DLG2: variants seen among roughly 807,000 people sequenced by gnomAD.
The protein encoded by DLG2 is disks large homolog 2.
Under a neutral mutation model 132.5 loss-of-function variants are expected in DLG2, and 45 were observed. The ratio of observed to expected loss-of-function variants is 0.34; its 90% CI spans 0.27 to 0.44. The LOEUF (loss-of-function observed/expected upper bound fraction) is 0.44, where lower values mean the gene tolerates loss of function less well. Among genes scored for constraint, DLG2 ranks in the 20% least tolerant of loss-of-function variants. The probability of loss-of-function intolerance (pLI) is 1.00; values close to 1 mark genes in which losing one functional copy is unlikely to be tolerated. For synonymous variants in DLG2, 424 were observed against 419.6 expected, an observed-to-expected ratio of 1.01 and a Z score of -0.13; for missense variants, 1,045 against 1,196.9, an observed-to-expected ratio of 0.87 and a Z score of 1.87.
chr11:84,752,572 T>C (rs906319348), intron 6 of DLG2, among the ~76,000 whole-genome samples: 2 of 150,704 alleles, frequency 1.3e-5, no homozygotes, highest in African/African-American at 4.9e-5. Flanking sequence ...TTCTTTTTTT[T>C]TTTTTTTTAT....
intron 16 of DLG2, among the ~76,000 whole-genome samples, chr11:83,866,377 T>C (rs1006760284): frequency 6.6e-6 from 1 of 152,170 alleles, no homozygotes; most frequent in East Asian, 1.9e-4. Flanking sequence ...AATCTTGTCA[T>C]GGAATAATGG....
chr11:84,835,323 A>G (rs1599269206), intron 6 of DLG2, among the ~76,000 whole-genome samples: 1 of 151,800 alleles, frequency 6.6e-6, no homozygotes, highest in Non-Finnish European at 1.5e-5. Flanking sequence ...AGACAGACCT[A>G]CATTTTAATC....
chr11:85,256,158 C>A (rs548428872), intron 4 of DLG2, among the ~76,000 whole-genome samples: 12 of 152,132 alleles, frequency 7.9e-5, no homozygotes, highest in African/African-American at 2.9e-4. Context: ...TATCCTGTAC[C>A]CATATAAACC....
chr11:84,914,963 C>T (rs1411506814), intron 6 of DLG2, among the ~76,000 whole-genome samples: 1 of 152,068 alleles, frequency 6.6e-6, no homozygotes, highest in Non-Finnish European at 1.5e-5. Flanking sequence ...GGCTAAATCC[C>T]AAAGGCCAGG....
At chr11:84,041,039 T>C (rs1210786243) in intron 11 of DLG2, among the ~76,000 whole-genome samples, 2 of 151,758 alleles carry the variant, frequency 1.3e-5, no homozygotes, top group Non-Finnish European at 2.9e-5. Flanking sequence ...TGTTGGTGTA[T>C]AAGAATGCTT....
At chr11:83,874,562 GT>G in intron 15 of DLG2, 74 bp from the exon 16 acceptor site, 1 of 1,214,586 alleles carries the variant, frequency 8.2e-7, no homozygotes, top group African/African-American at 1.6e-5. Context: ...TATACTTTAA[GT>G]TTTAGGGTAC....
chr11:83,722,525 A>G (rs567002775), intron 18 of DLG2, among the ~76,000 whole-genome samples: 1 of 152,278 alleles, frequency 6.6e-6, no homozygotes, highest in Non-Finnish European at 1.5e-5. Flanking sequence ...AAATCTCTCC[A>G]GTCCAGCAAG....
At chr11:84,004,275 G>A (rs774286473) in intron 11 of DLG2, among the ~76,000 whole-genome samples, 60 of 152,098 alleles carry the variant, frequency 3.9e-4, no homozygotes, top group Non-Finnish European at 2.8e-4. Context: ...ATGCAAGAAT[G>A]GTTTTACATA....
chr11:84,363,500 A>T (rs1423842622), intron 7 of DLG2, among the ~76,000 whole-genome samples: 1 of 151,840 alleles, frequency 6.6e-6, no homozygotes, highest in Non-Finnish European at 1.5e-5. Flanking sequence ...GCTGTGCAGA[A>T]GCTCTTTAGT....
At chr11:83,731,625 T>C (rs2091026956) in intron 18 of DLG2, among the ~76,000 whole-genome samples, 1 of 152,232 alleles carries the variant, frequency 6.6e-6, no homozygotes, top group Non-Finnish European at 1.5e-5. Flanking sequence ...TGCAGTAGAA[T>C]GATTTATATT....
At chr11:83,927,662 G>T (rs1300976244) in intron 15 of DLG2, among the ~76,000 whole-genome samples, 1 of 152,092 alleles carries the variant, frequency 6.6e-6, no homozygotes, top group African/African-American at 2.4e-5. Flanking sequence ...ACTTCGCATT[G>T]CATCCTAATG....
chr11:84,691,284 T>A (rs1224422917), intron 6 of DLG2, among the ~76,000 whole-genome samples: 1 of 151,858 alleles, frequency 6.6e-6, no homozygotes, highest in Non-Finnish European at 1.5e-5. Flanking sequence ...GAGGTAGTGA[T>A]CTATACCTAA....
chr11:84,983,086 G>C (rs964770312), intron 6 of DLG2, among the ~76,000 whole-genome samples: 1 of 152,168 alleles, frequency 6.6e-6, no homozygotes, highest in Admixed American at 6.5e-5. Context: ...AACAAGGCTG[G>C]ACAGTAATGC....
intron 19 of DLG2, among the ~76,000 whole-genome samples, chr11:83,587,730 C>T (rs907940436): frequency 7.9e-5 from 12 of 152,220 alleles, no homozygotes; most frequent in Admixed American, 3.9e-4. Context: ...TCTGAGGTAC[C>T]GGGTTCATCT....
chr11:83,845,836 G>A (rs2058511277), intron 16 of DLG2, among the ~76,000 whole-genome samples: 1 of 147,074 alleles, frequency 6.8e-6, no homozygotes, highest in Non-Finnish European at 1.5e-5. Flanking sequence ...GTTTCTTGAG[G>A]TCTTGCTTTT....
intron 6 of DLG2, among the ~76,000 whole-genome samples, chr11:84,620,630 C>G (rs2099612212): frequency 6.6e-6 from 1 of 151,934 alleles, no homozygotes; most frequent in African/African-American, 2.4e-5. Flanking sequence ...TTTTTAAAAC[C>G]TCAATAGTAT....
chr11:84,303,294 T>C (rs2098177153), intron 7 of DLG2, among the ~76,000 whole-genome samples: 1 of 152,180 alleles, frequency 6.6e-6, no homozygotes, highest in African/African-American at 2.4e-5. Flanking sequence ...ATGAATGTCA[T>C]GGATAACTAA....
At chr11:84,874,501 T>A (rs1386056746) in intron 6 of DLG2, among the ~76,000 whole-genome samples, 1 of 152,168 alleles carries the variant, frequency 6.6e-6, no homozygotes, top group African/African-American at 2.4e-5. Flanking sequence ...TGGGCTATCA[T>A]TAAAGGTTAT....
intron 15 of DLG2, among the ~76,000 whole-genome samples, chr11:83,891,810 T>C (rs2154087454): frequency 6.6e-6 from 1 of 152,298 alleles, no homozygotes; most frequent in African/African-American, 2.4e-5. Context: ...CTACTTTCCT[T>C]ATTGATTTTT....
Sources: gnomAD v4.1 joint callset for allele counts (sites outside exome capture counted in the v4.1 genomes callset) on GRCh38, gnomAD v4.1.1 for gene constraint, MANE v1.5 for transcripts, NCBI Gene and HGNC (gene_info 2026-07-23, HGNC 2026-07-21) for gene names.